The following NALF1 variants were observed in gnomAD, a reference collection of about 807,000 sequenced individuals.
NALF1 encodes the protein family with sequence similarity 155 member A.
In NALF1, 3 loss-of-function variants were observed where a neutral mutation model predicts 48.4. The observed-to-expected ratio is 0.06, with a 90% CI of 0.03 to 0.16. The LOEUF is 0.16. Ranked by LOEUF, NALF1 falls within the 10% of genes least tolerant of loss-of-function variation. The pLI is 1.00. For synonymous variants in NALF1, 262 were observed against 245.7 expected, an observed-to-expected ratio of 1.07 and a Z score of -0.62; for missense variants, 526 against 571.5, an observed-to-expected ratio of 0.92 and a Z score of 0.81.
intron 1 of NALF1, among the ~76,000 whole-genome samples, chr13:107,633,363 C>T (rs1391536857): frequency 6.6e-6 from 1 of 152,040 alleles, no homozygotes; most frequent in Non-Finnish European, 1.5e-5. Flanking sequence ...CATCTCTTCA[C>T]TCCACAGTCA....
At chr13:107,464,472 G>T (rs1360502660) in intron 1 of NALF1, among the ~76,000 whole-genome samples, 1 of 151,986 alleles carries the variant, frequency 6.6e-6, no homozygotes. Context: ...TGGATTTTTT[G>T]TGTTTTCAGA....
At chr13:107,190,152 T>C (rs544934789) in intron 2 of NALF1, among the ~76,000 whole-genome samples, 3 of 152,366 alleles carry the variant, frequency 2.0e-5, no homozygotes, top group South Asian at 2.1e-4. Context: ...TAACTACAAC[T>C]CTGCAAAGGA....
Position 107,685,784 on chromosome 13 carries a change from A to G in NALF1, c.915+179898T>C, listed in dbSNP as rs926268476. Among the ~76,000 whole-genome samples, 15 of 152,238 alleles carry G rather than the reference A, an allele frequency of 9.9e-5. 1 individual carries two copies. The highest frequency in any genetic ancestry group is 7.2e-4 in the Admixed American group (11 of 15,286). The stretch of plus-strand genomic sequence containing the variant: ...AAAGGGGTGATTGATTCGTGAATGC[A>G]AAGTGCAGAAATGCAAATGATTAAA... On this transcript the variant is annotated intron_variant, in intron 1 of 2. Transcript: ENST00000375915.
intron 1 of NALF1, among the ~76,000 whole-genome samples, chr13:107,457,508 T>C (rs970557620): frequency 2.0e-5 from 3 of 152,232 alleles, no homozygotes; most frequent in South Asian, 4.1e-4. Context: ...TTCTATTCCC[T>C]GGCTTAGAAC....
Position 107,866,630 on chromosome 13 carries a change from C to A in NALF1, c.-34G>T. ...AACGCACAGCCCTGGCCGACTCCAC[C>A]GTGAGGGCGCCTGTGCCGGTGTCAC... On this transcript the variant is annotated 5_prime_UTR_variant, in exon 1 of 3. Transcript: ENST00000375915. The surrounding 1 kb of genome is among the most constrained non-coding windows in gnomAD (Gnocchi z 4.4). 2 of 1,558,434 alleles carry A rather than the reference C, an allele frequency of 1.3e-6. No individual in the cohort carries two copies. Among genetic ancestry groups the A allele is most frequent in the Non-Finnish European group, 8.6e-7 (1 of 1,156,508 alleles).
intron 1 of NALF1, among the ~76,000 whole-genome samples, chr13:107,403,794 T>A (rs1400488284): frequency 6.6e-6 from 1 of 151,944 alleles, no homozygotes; most frequent in Admixed American, 6.6e-5. Context: ...TTTAGTTTTT[T>A]ATCTGAACAA....
chr13:107,317,514 A>C (rs1182159080), intron 1 of NALF1, among the ~76,000 whole-genome samples: 2 of 152,060 alleles, frequency 1.3e-5, no homozygotes, highest in Admixed American at 6.6e-5. Context: ...TGCAAATTTT[A>C]AAACCAATCT....
At chr13:107,689,922 C>T (rs905697804) in intron 1 of NALF1, among the ~76,000 whole-genome samples, 4 of 152,158 alleles carry the variant, frequency 2.6e-5, no homozygotes, top group African/African-American at 9.7e-5. Flanking sequence ...ATAACTAGAG[C>T]TTAACTTGCA....
chr13:107,336,032 C>CA (rs1882549048), intron 1 of NALF1, among the ~76,000 whole-genome samples: 1 of 152,002 alleles, frequency 6.6e-6, no homozygotes, highest in Non-Finnish European at 1.5e-5. Context: ...CTCTCTCTTG[C>CA]AAAATTAATG....
At chr13:107,762,759 C>T (rs973570095) in intron 1 of NALF1, among the ~76,000 whole-genome samples, 2 of 151,970 alleles carry the variant, frequency 1.3e-5, no homozygotes, top group Admixed American at 6.6e-5. Flanking sequence ...TGCACAACAA[C>T]GTGAATACAC....
chr13:107,684,775 C>T (rs951175046), intron 1 of NALF1, among the ~76,000 whole-genome samples: 1 of 152,188 alleles, frequency 6.6e-6, no homozygotes, highest in African/African-American at 2.4e-5. Flanking sequence ...TCAACACGCA[C>T]AGATGTTGAC....
intron 1 of NALF1, among the ~76,000 whole-genome samples, chr13:107,728,079 T>C (rs1158926601): frequency 6.6e-6 from 1 of 152,208 alleles, no homozygotes; most frequent in African/African-American, 2.4e-5. Flanking sequence ...ACTTTTACAC[T>C]GTTGGTGGGA....
intron 1 of NALF1, among the ~76,000 whole-genome samples, chr13:107,499,655 T>C (rs916173054): frequency 3.9e-5 from 6 of 152,202 alleles, no homozygotes; most frequent in Non-Finnish European, 8.8e-5. Flanking sequence ...TTCTGCAAAT[T>C]AAGGACATTG....
intron 1 of NALF1, among the ~76,000 whole-genome samples, chr13:107,836,054 C>T (rs772003709): frequency 7.2e-5 from 11 of 152,090 alleles, no homozygotes; most frequent in East Asian, 1.9e-4. Context: ...TGCAATGATG[C>T]GATCATACCT....
intron 1 of NALF1, among the ~76,000 whole-genome samples, chr13:107,792,298 T>C (rs1878270194): frequency 1.3e-5 from 2 of 152,198 alleles, no homozygotes; most frequent in South Asian, 2.1e-4. Context: ...TTTAATACCA[T>C]ACATATGACA....
Position 107,570,710 on chromosome 13 carries a change from C to T in NALF1, c.915+294972G>A, listed in dbSNP as rs182463268. 1.4e-3 allele frequency among the ~76,000 whole-genome samples: 205 copies of T among 151,778 alleles called. 1 individual carries two copies. Among genetic ancestry groups the T allele is most frequent in the African/African-American group, 4.7e-3 (195 of 41,454 alleles). ...AAGCAAAGAAAGCATATCATTGGTA[C>T]ATAAGACTTTAAAAAATTATTACCT... is the stretch of plus-strand genomic sequence containing the variant. On this transcript the variant is annotated intron_variant, in intron 1 of 2. Coordinates refer to ENST00000375915, the MANE Select transcript of NALF1 (RefSeq NM_001080396.3).
intron 1 of NALF1, among the ~76,000 whole-genome samples, chr13:107,239,358 T>C (rs1043367715): frequency 6.6e-6 from 1 of 152,152 alleles, no homozygotes; most frequent in African/African-American, 2.4e-5. Context: ...GGTTTGCAGG[T>C]GCTTCACGCC....
chr13:107,856,338 C>T (rs1880440114), intron 1 of NALF1, among the ~76,000 whole-genome samples: 3 of 152,284 alleles, frequency 2.0e-5, no homozygotes, highest in South Asian at 2.1e-4. Context: ...GAAAACTTCT[C>T]CTTCCCAGCA....
intron 1 of NALF1, among the ~76,000 whole-genome samples, chr13:107,479,051 A>T (rs1885214541): frequency 6.6e-6 from 1 of 152,172 alleles, no homozygotes; most frequent in South Asian, 2.1e-4. Context: ...TTTTAATTCA[A>T]ATGAATGCAG....
Sources: allele counts gnomAD v4.1 joint callset (sites outside exome capture counted in the v4.1 genomes callset), GRCh38; gene constraint gnomAD v4.1.1; non-coding constraint Gnocchi (gnomAD v3.1); transcripts MANE v1.5; gene names NCBI Gene and HGNC (gene_info 2026-07-23, HGNC 2026-07-21).